VPS35L: variants seen among roughly 807,000 people sequenced by gnomAD.
VPS35L encodes the protein VPS35 endosomal protein-sorting factor-like.
VPS35L carries 83 observed loss-of-function variants against 133.0 expected under a neutral mutation model. The observed-to-expected ratio is 0.62, with a 90% CI of 0.52 to 0.75. The LOEUF (loss-of-function observed/expected upper bound fraction) is 0.75. Among genes scored for constraint, VPS35L ranks in the 30% least tolerant of loss-of-function variants. The pLI is 0.00. For synonymous variants in VPS35L, 423 were observed against 449.9 expected (o/e 0.94, Z 0.76); for missense variants, 1,083 against 1,206.8 (o/e 0.90, Z 1.52).
At chr16:19,602,167 A>G (rs1185184026) in intron 9 of VPS35L, among the ~76,000 whole-genome samples, 2 of 152,328 alleles carry the variant, frequency 1.3e-5, no homozygotes, top group East Asian at 3.9e-4. Flanking sequence ...TTTGCATTAA[A>G]TTGACTGTCA....
At chr16:19,666,976 C>T (rs867327726) in intron 26 of VPS35L, among the ~76,000 whole-genome samples, 12,515 of 132,832 alleles carry the variant, frequency 0.094, 1,066 homozygotes, top group East Asian at 0.19. Flanking sequence ...TCCTTTCTTC[C>T]TTTCTTTCTT....
At chr16:19,650,961 C>CACCATATCCGGGTAATTTTTTTGTTTT in intron 25 of VPS35L, among the ~76,000 whole-genome samples, 1 of 151,670 alleles carries the variant, frequency 6.6e-6, no homozygotes, top group Admixed American at 6.6e-5. Context: ...TCACTGCAAC[C>CACCATATCCGGGTAATTTTTTTGTTTT]TCCGCCTCCC....
intron 16 of VPS35L, among the ~76,000 whole-genome samples, chr16:19,628,411 G>A (rs1306892195): frequency 1.3e-5 from 2 of 152,172 alleles, no homozygotes; most frequent in Admixed American, 6.5e-5. Context: ...ACTTTGTCCA[G>A]TAGAATATTA....
chr16:19,658,527 TCAAAA>T (rs1033931291), intron 26 of VPS35L, among the ~76,000 whole-genome samples: 1 of 151,954 alleles, frequency 6.6e-6, no homozygotes, highest in African/African-American at 2.4e-5. Context: ...AGACCGTGTC[TCAAAA>T]CAAAACAAGA....
intron 18 of VPS35L, among the ~76,000 whole-genome samples, chr16:19,630,353 A>G (rs1973410558): frequency 1.5e-5 from 1 of 68,872 alleles, no homozygotes; most frequent in Non-Finnish European, 2.6e-5. Context: ...TTTTTTTTTG[A>G]GATGGAGTCT....
At chr16:19,631,850 A>G (rs1973466180) in intron 18 of VPS35L, among the ~76,000 whole-genome samples, 1 of 152,156 alleles carries the variant, frequency 6.6e-6, no homozygotes. Context: ...CTGGGACCAC[A>G]GGCACATGTG....
At chr16:19,662,198 G>C (rs1320367002) in intron 26 of VPS35L, among the ~76,000 whole-genome samples, 1 of 152,020 alleles carries the variant, frequency 6.6e-6, no homozygotes, top group Non-Finnish European at 1.5e-5. Flanking sequence ...GCAAGGCCCT[G>C]TCTCAAAAAA....
intron 27 of VPS35L, among the ~76,000 whole-genome samples, chr16:19,671,862 G>A (rs1353128277): frequency 6.6e-6 from 1 of 152,214 alleles, no homozygotes; most frequent in African/African-American, 2.4e-5. Flanking sequence ...ATTAAGCACC[G>A]CTGGTAGAGC....
intron 1 of VPS35L, among the ~76,000 whole-genome samples, chr16:19,561,843 C>A (rs561630959): frequency 6.6e-6 from 1 of 152,120 alleles, no homozygotes; most frequent in Non-Finnish European, 1.5e-5. Context: ...CAGTGGCTCA[C>A]GTTTCTAATC....
chr16:19,578,619 C>G (rs957072613), intron 5 of VPS35L: 3 of 329,738 alleles, frequency 9.1e-6, no homozygotes, highest in South Asian at 7.4e-5. Context: ...CCTAGTGTTT[C>G]CACCCTGGGT....
At chr16:19,602,953 C>T (rs947036764) in intron 9 of VPS35L, among the ~76,000 whole-genome samples, 8 of 149,266 alleles carry the variant, frequency 5.4e-5, no homozygotes, top group Non-Finnish European at 7.4e-5. Context: ...TTTGTAGACA[C>T]GGGGTCTCCC....
intron 13 of VPS35L, 91 bp from the exon 14 acceptor site, chr16:19,616,595 T>G (rs2151553502): frequency 6.7e-7 from 1 of 1,496,830 alleles, no homozygotes; most frequent in East Asian, 2.3e-5. Context: ...TCCACATGCT[T>G]ACAAGTATGC....
chr16:19,606,159 A>G (rs1185352005), intron 9 of VPS35L, among the ~76,000 whole-genome samples: 5 of 152,000 alleles, frequency 3.3e-5, no homozygotes, highest in African/African-American at 9.7e-5. Context: ...CTGATTTCCA[A>G]CTCTTTCAGG....
intron 8 of VPS35L, among the ~76,000 whole-genome samples, chr16:19,594,118 G>T (rs1972127742): frequency 6.6e-6 from 1 of 152,092 alleles, no homozygotes; most frequent in African/African-American, 2.4e-5. Flanking sequence ...GTCAGTCCCT[G>T]AGCCAGTTGT....
Position 19,682,204 on chromosome 16 carries a change from CT to C in VPS35L, c.2362-15del. On this transcript the variant is annotated intron_variant, in intron 27 of 30. Transcript: ENST00000417362. Reference sequence around the variant, plus strand: ...TGCTTCATCTTTGGGATTATTTATCCTTTTTTCGGTTCTCTGCTAGGATCAT... The same window carrying C: ...TGCTTCATCTTTGGGATTATTTATCCTTTTTCGGTTCTCTGCTAGGATCAT... 1 of 1,603,862 alleles carries C rather than the reference CT, an allele frequency of 6.2e-7. No homozygotes were observed. The highest frequency in any genetic ancestry group is 8.5e-7 in the Non-Finnish European group (1 of 1,173,368).
intron 8 of VPS35L, among the ~76,000 whole-genome samples, chr16:19,594,672 GAA>G (rs1349908882): frequency 1.4e-5 from 1 of 70,352 alleles, no homozygotes; most frequent in South Asian, 4.5e-4. Flanking sequence ...AAAAAAAAAA[GAA>G]GAGAAAAAAA....
chr16:19,581,631 A>G lies in VPS35L; in HGVS notation c.617A>G (p.Lys206Arg). 6.2e-7 allele frequency: 1 copy of G among 1,614,100 alleles called. No homozygotes were observed. The highest frequency in any genetic ancestry group is 1.1e-5 in the South Asian group (1 of 91,078). Residue 206 changes from lysine to arginine, a missense_variant, in exon 7 of 31, where the codon AAG becomes AGG. Transcript: ENST00000417362. ...KDAWASDQKV[K>R]ALKIVIQCSK... ...GCCTGGGCCTCAGACCAGAAAGTGA[A>G]GGCTCTAAAAATAGTCATCCAGGTT...
rs1971503187 is a variant in VPS35L, at chr16:19,575,534, G to A, written c.433+412G>A. 2.7e-5 allele frequency among the ~76,000 whole-genome samples: 4 copies of A among 149,042 alleles called. No individual in the cohort carries two copies. The South Asian group carries it at 8.5e-4, about 32-fold the overall frequency. On this transcript the variant is annotated intron_variant, in intron 5 of 30. Transcript: ENST00000417362. ...TGAGCCAAGATTGCATCATTGCACT[G>A]CAGCCTGGGTGACAGGAATGCCGTC...
chr16:19,564,038 G>A (rs1006603340), intron 1 of VPS35L, among the ~76,000 whole-genome samples: 1 of 152,122 alleles, frequency 6.6e-6, no homozygotes, highest in Non-Finnish European at 1.5e-5. Flanking sequence ...CTGGTGTGTG[G>A]CATAACAAGT....
Sources: gnomAD v4.1 joint callset for allele counts (sites outside exome capture counted in the v4.1 genomes callset) on GRCh38, gnomAD v4.1.1 for gene constraint, MANE v1.5 for transcripts, NCBI Gene and HGNC (gene_info 2026-07-23, HGNC 2026-07-21) for gene names.